Variants in PKIB observed in about 807,000 individuals in gnomAD.
The protein encoded by PKIB is cAMP-dependent protein kinase inhibitor beta.
A neutral mutation model predicts 4.5 loss-of-function variants in PKIB; 2 were observed. The observed-to-expected ratio is 0.44, with a 90% CI of 0.18 to 1.39. The LOEUF (loss-of-function observed/expected upper bound fraction) is 1.39. Among genes scored for constraint, PKIB ranks in the 40% most tolerant of loss-of-function variants. The pLI, the probability that PKIB is intolerant of heterozygous loss-of-function variation, is 0.27. For synonymous variants in PKIB, 38 were observed against 36.0 expected (o/e 1.06, Z -0.20); for missense variants, 94 against 92.6 (o/e 1.02, Z -0.06).
intron 2 of PKIB, among the ~76,000 whole-genome samples, chr6:122,672,673 T>C (rs2114949546): frequency 6.6e-6 from 1 of 152,062 alleles, no homozygotes; most frequent in East Asian, 1.9e-4. Flanking sequence ...GAACATCTAA[T>C]TATATCTATT....
At chr6:122,628,228 G>A (rs996563918) in intron 1 of PKIB, among the ~76,000 whole-genome samples, 2 of 152,086 alleles carry the variant, frequency 1.3e-5, no homozygotes, top group East Asian at 3.9e-4. Flanking sequence ...GTAGAGATGG[G>A]GTTTCTCCAT....
At position 122,511,409 on chromosome 6, in the gene PKIB, C is replaced by T. The variant is rs139943132; in HGVS notation, c.-248+33470C>T. ...CAGTTTGTCCCATTTGTGTCCCTAG[C>T]TTTCTCCGAGTGCCCTGTTTACCTG... On this transcript the variant is annotated intron_variant, in intron 2 of 6. Coordinates refer to the PKIB transcript ENST00000392491. Among the ~76,000 whole-genome samples, 135 of 152,298 alleles carry T rather than the reference C, an allele frequency of 8.9e-4. 2 individuals carry two copies. The East Asian group carries it at 0.024, about 27-fold the overall frequency.
At chr6:122,593,626 A>G (rs1774080585) in intron 3 of PKIB, among the ~76,000 whole-genome samples, 1 of 152,206 alleles carries the variant, frequency 6.6e-6, no homozygotes, top group South Asian at 2.1e-4. Flanking sequence ...AAGCTTTTCA[A>G]AGGCAATATA....
chr6:122,698,282 G>A (rs1483023202), intron 3 of PKIB, among the ~76,000 whole-genome samples: 1 of 152,120 alleles, frequency 6.6e-6, no homozygotes, highest in African/African-American at 2.4e-5. Flanking sequence ...TAGCACCATG[G>A]TTTTGGCAAA....
chr6:122,577,089 G>C (rs1773564700), intron 2 of PKIB, among the ~76,000 whole-genome samples: 1 of 152,122 alleles, frequency 6.6e-6, no homozygotes, highest in African/African-American at 2.4e-5. Flanking sequence ...ACACTGGAAA[G>C]ACAAACAATA....
intron 2 of PKIB, among the ~76,000 whole-genome samples, chr6:122,492,948 T>C (rs1775979981): frequency 6.6e-6 from 1 of 152,176 alleles, no homozygotes; most frequent in Admixed American, 6.5e-5. Context: ...ATGACTTTTA[T>C]TACTTCTACT....
intron 2 of PKIB, among the ~76,000 whole-genome samples, chr6:122,556,174 C>T (rs1188554309): frequency 6.6e-6 from 1 of 152,150 alleles, no homozygotes; most frequent in Non-Finnish European, 1.5e-5. Flanking sequence ...AAGGGCTTTT[C>T]CTGCCTTTGC....
intron 2 of PKIB, among the ~76,000 whole-genome samples, chr6:122,497,808 G>A (rs1357929405): frequency 6.6e-6 from 1 of 152,098 alleles, no homozygotes; most frequent in Non-Finnish European, 1.5e-5. Flanking sequence ...GATCATAGAG[G>A]AAGAAAACTA....
chr6:122,701,413 G>A (rs1778808437), intron 3 of PKIB: 6 of 1,541,250 alleles, frequency 3.9e-6, no homozygotes, highest in South Asian at 3.6e-5. Context: ...GACTGGTTAA[G>A]GCACTGTTTT....
chr6:122,702,178 G>C (rs1369358688), intron 3 of PKIB, among the ~76,000 whole-genome samples: 1 of 151,790 alleles, frequency 6.6e-6, no homozygotes, highest in Non-Finnish European at 1.5e-5. Context: ...ATTTCCAACT[G>C]TGTAGTCTAT....
chr6:122,665,170 T>G (rs944755340), intron 2 of PKIB, among the ~76,000 whole-genome samples: 2 of 152,130 alleles, frequency 1.3e-5, no homozygotes, highest in African/African-American at 4.8e-5. Flanking sequence ...ACAAAAAAAA[T>G]AAGGTTAGGC....
At chr6:122,707,351 A>C (rs1367437836) in intron 3 of PKIB, among the ~76,000 whole-genome samples, 1 of 152,122 alleles carries the variant, frequency 6.6e-6, no homozygotes, top group Admixed American at 6.5e-5. Flanking sequence ...GAGCTCAAAA[A>C]GGCTTAATCA....
chr6:122,679,187 G>A (rs1355204907), intron 3 of PKIB, among the ~76,000 whole-genome samples: 2 of 152,218 alleles, frequency 1.3e-5, no homozygotes, highest in African/African-American at 4.8e-5. Flanking sequence ...GAGCACTTCA[G>A]CCAGGAGGAA....
chr6:122,511,746 A>G (rs572457656), intron 2 of PKIB, among the ~76,000 whole-genome samples: 22 of 152,352 alleles, frequency 1.4e-4, no homozygotes, highest in Non-Finnish European at 2.5e-4. Flanking sequence ...AGGGCGAAAC[A>G]GTGAAAGGGA....
chr6:122,507,719 G>A (rs888315386), intron 2 of PKIB, among the ~76,000 whole-genome samples: 1 of 146,956 alleles, frequency 6.8e-6, no homozygotes, highest in African/African-American at 2.5e-5. Flanking sequence ...AAGATGTTTT[G>A]TAGGTACCCA....
chr6:122,527,458 A>G (rs1430912404), intron 2 of PKIB, among the ~76,000 whole-genome samples: 1 of 151,902 alleles, frequency 6.6e-6, no homozygotes, highest in Non-Finnish European at 1.5e-5. Context: ...ATTTTTCTTT[A>G]TTTGAACACT....
chr6:122,688,337 G>T (rs1778176728), intron 3 of PKIB, among the ~76,000 whole-genome samples: 1 of 152,134 alleles, frequency 6.6e-6, no homozygotes, highest in East Asian at 1.9e-4. Context: ...TTTTAGTGAA[G>T]AGTTGAATTG....
intron 3 of PKIB, among the ~76,000 whole-genome samples, chr6:122,678,938 A>G (rs1443046332): frequency 1.3e-5 from 2 of 152,268 alleles, no homozygotes; most frequent in Non-Finnish European, 2.9e-5. Context: ...GGCTGGTGTC[A>G]GCATGATGGA....
intron 3 of PKIB, among the ~76,000 whole-genome samples, chr6:122,705,251 G>A (rs1245624688): frequency 6.6e-6 from 1 of 152,042 alleles, no homozygotes; most frequent in East Asian, 1.9e-4. Context: ...GATAATCAAA[G>A]CCTTTTTCAG....
Sources: gnomAD v4.1 joint callset for allele counts (sites outside exome capture counted in the v4.1 genomes callset) on GRCh38, gnomAD v4.1.1 for gene constraint, MANE v1.5 for transcripts, NCBI Gene and HGNC (gene_info 2026-07-23, HGNC 2026-07-21) for gene names.